Variants in RTL10 observed in about 807,000 individuals in gnomAD.
The protein encoded by RTL10 is retrotransposon Gag like 10.
For synonymous variants in RTL10, 199 were observed against 188.4 expected (o/e 1.06, Z -0.46); for missense variants, 477 against 470.7 (o/e 1.01, Z -0.12).
Position 19,849,922 on chromosome 22 carries a change from T to G in RTL10, c.*1245A>C. On this transcript the variant is annotated 3_prime_UTR_variant, in exon 3 of 3. Transcript: ENST00000328554. ...GCTCCAGGAGCTTCCAAGCTCAGCT[T>G]CCACTAGAAAACCCCTCCTTGTGTG... The G allele has an allele frequency of 4.1e-6, 4 of 985,538 alleles. No homozygotes were observed. Among genetic ancestry groups the G allele is most frequent in the South Asian group, 4.7e-5 (1 of 21,284 alleles). The allele number at this position is 985,538 out of a possible 1,614,324, so 61.0% of individuals were successfully genotyped here.
rs1366876583 is a variant in RTL10, at chr22:19,851,808, C to A, written c.454G>T (p.Ala152Ser). 1 of 1,613,910 alleles carries A rather than the reference C, an allele frequency of 6.2e-7. No individual in the cohort carries two copies. Among genetic ancestry groups the A allele is most frequent in the African/African-American group, 1.3e-5 (1 of 74,924 alleles). The change falls in exon 3 of 3, where the codon GCC becomes TCC. Residue 152 changes from alanine to serine, a missense_variant. Transcript: ENST00000328554. ...CCATCAAGGTAGGGGGCTGCCCAGG[C>A]CTGGGCTCGGCCTGTTAGGCGCCTG... Reference protein sequence around the residue: ...ILRRLTGRAQAWAAPYLDGDL... With the variant: ...ILRRLTGRAQSWAAPYLDGDL...
In RTL10 at chr22:19,851,206, C is replaced by CA. The variant is rs1569057957; in HGVS notation, c.1055_1056insT (p.Glu353GlyfsTer119). On this transcript the variant is annotated frameshift_variant, in exon 3 of 3. Transcript: ENST00000328554. LOFTEE classifies it low-confidence loss of function (END_TRUNC). ...AAAGTGGTGGCTCTCCTGGGGTCTC[C>CA]GGGGCCTCCACCACCTCCTGTGGGG... 6.3e-7 allele frequency: 1 copy of CA among 1,593,590 alleles called. No homozygotes were observed. The highest frequency in any genetic ancestry group is 8.6e-7 in the Non-Finnish European group (1 of 1,169,390).
intron 2 of RTL10, among the ~76,000 whole-genome samples, chr22:19,852,758 A>G (rs558242092): frequency 2.0e-5 from 3 of 152,150 alleles, no homozygotes; most frequent in Admixed American, 1.3e-4. Flanking sequence ...CAATAGTAGT[A>G]ACCTTTCACT....
intron 2 of RTL10, among the ~76,000 whole-genome samples, chr22:19,852,920 T>A (rs1275063411): frequency 3.3e-5 from 5 of 152,140 alleles, no homozygotes. Context: ...GAGGCTTAAC[T>A]ACTATACAGC....
chr22:19,850,007 G>A lies in RTL10; in HGVS notation c.*1160C>T. 1.0e-6 allele frequency: 1 copy of A among 985,618 alleles called. No individual in the cohort carries two copies. Among genetic ancestry groups the A allele is most frequent in the Non-Finnish European group, 1.2e-6 (1 of 830,148 alleles). 61.1% of individuals were successfully genotyped at this position (985,618 alleles called of 1,614,324 possible). A position where few individuals can be genotyped will look rare whatever the true frequency, so the allele number is the denominator to read the frequency against. ...TGGGGCCTCACAGCTCTGGACTGCT[G>A]CCTGGTCCTCACTTCACCTACAGCT... is the stretch of plus-strand genomic sequence containing the variant. On this transcript the variant is annotated 3_prime_UTR_variant, in exon 3 of 3. Coordinates refer to ENST00000328554, the MANE Select transcript of RTL10 (RefSeq NM_024627.6).
Position 19,848,878 on chromosome 22 carries a change from A to T in RTL10, c.*2289T>A, listed in dbSNP as rs1938027572. 1 of 985,364 alleles carries T rather than the reference A, an allele frequency of 1.0e-6. No homozygotes were observed. The highest frequency in any genetic ancestry group is 6.1e-5 in the Admixed American group (1 of 16,266). 61.0% of individuals were successfully genotyped at this position (985,364 alleles called of 1,614,324 possible). A position where few individuals can be genotyped will look rare whatever the true frequency, so the allele number is the denominator to read the frequency against. The stretch of plus-strand genomic sequence containing the variant: ...AGATGGGGAAGGTGGCCTGTCCAGA[A>T]GCCTGTGGGACAGGGTAAAGGTCAG... On this transcript the variant is annotated 3_prime_UTR_variant, in exon 3 of 3. Transcript: ENST00000328554.
rs772013591 is a variant in RTL10 at position 19,851,947 on chromosome 22, G to T, written c.315C>A (p.Gly105=). ...GTAGCCACGGGGAGCCATCAAAGGT[G>T]CCTGGGTCTGAGCCTGGTACCCAGC... The part of the protein sequence containing the change: ...DFCWVPGSDP[G]TFDGSPWLLD... The change falls in exon 3 of 3, where the codon GGC becomes GGA. Residue 105 remains glycine, a synonymous_variant. Coordinates refer to ENST00000328554, the MANE Select transcript of RTL10 (RefSeq NM_024627.6). The T allele has an allele frequency of 1.7e-5, 27 of 1,614,008 alleles. No homozygotes were observed. In the East Asian group the frequency reaches 3.8e-4, roughly 23 times the overall value.
At position 19,849,919 on chromosome 22, in the gene RTL10, G is replaced by C. The variant is rs1451715759; in HGVS notation, c.*1248C>G. On this transcript the variant is annotated 3_prime_UTR_variant, in exon 3 of 3. Coordinates refer to ENST00000328554, the MANE Select transcript of RTL10 (RefSeq NM_024627.6). ...TTGGCTCCAGGAGCTTCCAAGCTCA[G>C]CTTCCACTAGAAAACCCCTCCTTGT... The C allele has an allele frequency of 1.0e-6, 1 of 985,404 alleles. No homozygotes were observed. Among genetic ancestry groups the C allele is most frequent in the Non-Finnish European group, 1.2e-6 (1 of 830,032 alleles). The allele number at this position is 985,404 out of a possible 1,614,324, so 61.0% of individuals were successfully genotyped here. A position where few individuals can be genotyped will look rare whatever the true frequency, so the allele number is the denominator to read the frequency against.
chr22:19,853,977 C>G (rs889923753), intron 2 of RTL10, among the ~76,000 whole-genome samples: 1 of 152,174 alleles, frequency 6.6e-6, no homozygotes, highest in Non-Finnish European at 1.5e-5. Flanking sequence ...TCCCAGTCCC[C>G]TACCCTGCCC....
chr22:19,848,308 C>G lies in RTL10; in HGVS notation c.*2859G>C. The G allele has an allele frequency of 1.0e-6, 1 of 985,448 alleles. No homozygotes were observed. The highest frequency in any genetic ancestry group is 1.2e-6 in the Non-Finnish European group (1 of 829,952). 61.0% of individuals were successfully genotyped at this position (985,448 alleles called of 1,614,324 possible). On this transcript the variant is annotated 3_prime_UTR_variant, in exon 3 of 3. Transcript: ENST00000328554. ...CCCGTCCCTGAGCATGTCCAGCAAA[C>G]CCTGCCAGGCTCTGCAGCTCCTGAG... is the stretch of plus-strand genomic sequence containing the variant.
Position 19,846,787 on chromosome 22 carries a change from C to T in RTL10, c.*4380G>A, listed in dbSNP as rs576724385. ...AGATGGCTATCTGCAGGCCAAGGAG[C>T]GAGGCCTCAGGAGAAACCAACCCTG... On this transcript the variant is annotated 3_prime_UTR_variant, in exon 3 of 3. Coordinates refer to ENST00000328554, the MANE Select transcript of RTL10 (RefSeq NM_024627.6). 42 of 448,908 alleles carry T rather than the reference C, an allele frequency of 9.4e-5. No individual in the cohort carries two copies. Among genetic ancestry groups the T allele is most frequent in the Middle Eastern group, 1.2e-3 (1 of 864 alleles). 27.8% of individuals were successfully genotyped at this position (448,908 alleles called of 1,614,324 possible).
rs1341843416 is a variant in RTL10 at position 19,849,314 on chromosome 22, T to A, written c.*1853A>T. The A allele has an allele frequency of 1.0e-6, 1 of 978,172 alleles. No individual in the cohort carries two copies. Among genetic ancestry groups the A allele is most frequent in the East Asian group, 1.1e-4 (1 of 8,794 alleles). 60.6% of individuals were successfully genotyped at this position (978,172 alleles called of 1,614,324 possible). ...ACCCAGAGCCTTTTCTAGTGATAGT[T>A]ACCATAAAATAATCCCAACAATTTA... is the stretch of plus-strand genomic sequence containing the variant. On this transcript the variant is annotated 3_prime_UTR_variant, in exon 3 of 3. Coordinates refer to ENST00000328554, the MANE Select transcript of RTL10 (RefSeq NM_024627.6).
At chr22:19,852,799 G>A (rs1041004266) in intron 2 of RTL10, among the ~76,000 whole-genome samples, 1 of 152,154 alleles carries the variant, frequency 6.6e-6, no homozygotes, top group Admixed American at 6.5e-5. Context: ...CTCCCCCACA[G>A]GAGGTTGGTA....
At chr22:19,853,493 A>C (rs750789729) in intron 2 of RTL10, among the ~76,000 whole-genome samples, 12 of 152,098 alleles carry the variant, frequency 7.9e-5, no homozygotes, top group Non-Finnish European at 1.8e-4. Context: ...CACGACCTCC[A>C]GGAAACTCTC....
chr22:19,846,565 G>T lies in RTL10; in HGVS notation c.*4602C>A, dbSNP rs540530746. 5.1e-6 allele frequency: 5 copies of T among 985,308 alleles called. No individual in the cohort carries two copies. The highest frequency in any genetic ancestry group is 4.8e-6 in the Non-Finnish European group (4 of 829,910). The allele number at this position is 985,308 out of a possible 1,614,324, so 61.0% of individuals were successfully genotyped here. A position where few individuals can be genotyped will look rare whatever the true frequency, so the allele number is the denominator to read the frequency against. ...AGACAAAACCAGAGAAGCCTATCGCGGGCACCGCTGTGGGCAGAACTATGT... is the reference window on the plus strand; with the variant it reads ...AGACAAAACCAGAGAAGCCTATCGCTGGCACCGCTGTGGGCAGAACTATGT... On this transcript the variant is annotated 3_prime_UTR_variant, in exon 3 of 3. Coordinates refer to ENST00000328554, the MANE Select transcript of RTL10 (RefSeq NM_024627.6).
rs1787958826 is a variant in RTL10 at position 19,852,336 on chromosome 22, C to T, written c.-75G>A. The stretch of plus-strand genomic sequence containing the variant: ...GGGGTGTGGACAGATGTGGCTTGCA[C>T]GACACAACAGGACAGGGATGGCTGA... On this transcript the variant is annotated 5_prime_UTR_variant, in exon 3 of 3. It adds an upstream start codon to the 5' untranslated region. Transcript: ENST00000328554. 7 of 1,483,916 alleles carry T rather than the reference C, an allele frequency of 4.7e-6. No homozygotes were observed. In the Middle Eastern group the frequency reaches 6.0e-4, roughly 128 times the overall value. The allele number at this position is 1,483,916 out of a possible 1,614,324, so 91.9% of individuals were successfully genotyped here.
Position 19,847,803 on chromosome 22 carries a change from G to GAAAAAAAAAAAAAAA in RTL10, c.*3363_*3364insTTTTTTTTTTTTTTT, listed in dbSNP as rs1468350618. On this transcript the variant is annotated 3_prime_UTR_variant, in exon 3 of 3. Transcript: ENST00000328554. ...AACTTTTAAAATCCTGGAATCATAG[G>GAAAAAAAAAAAAAAA]CAAAAAAAAAAAAAAAAAAAAATTC... 127 of 440,326 alleles carry GAAAAAAAAAAAAAAA rather than the reference G, an allele frequency of 2.9e-4. 6 individuals carry two copies. The East Asian group carries it at 5.6e-3, about 19-fold the overall frequency. The allele number at this position is 440,326 out of a possible 1,614,324, so 27.3% of individuals were successfully genotyped here. A position where few individuals can be genotyped will look rare whatever the true frequency, so the allele number is the denominator to read the frequency against.
Position 19,851,647 on chromosome 22 carries a change from C to T in RTL10, c.615G>A (p.Val205=). Residue 205 remains valine (V), a synonymous_variant, in exon 3 of 3, where the codon GTG becomes GTA. Transcript: ENST00000328554. ...GCCTCACCACAGGCAGCTGAGGGGC[C>T]ACTGGCAGCTGGCTGGAGGCCAGGG... is the stretch of plus-strand genomic sequence containing the variant. ...PLPLASSQLP[V]APQLPVVRQY... 11 of 1,594,038 alleles carry T rather than the reference C, an allele frequency of 6.9e-6. No individual in the cohort carries two copies. The Middle Eastern group carries it at 5.1e-4, about 73-fold the overall frequency.
At position 19,851,085 on chromosome 22, in the gene RTL10, C is replaced by T. The variant is rs1166473351; in HGVS notation, c.*82G>A. ...GAAGTCATCTGGGGACACCACTCTG[C>T]TCTGACTGGGGACTATGGGGCGCTC... On this transcript the variant is annotated 3_prime_UTR_variant, in exon 3 of 3. Coordinates refer to ENST00000328554, the MANE Select transcript of RTL10 (RefSeq NM_024627.6). 2.7e-6 allele frequency: 4 copies of T among 1,483,646 alleles called. No individual in the cohort carries two copies. The African/African-American group carries it at 5.6e-5, about 21-fold the overall frequency. 91.9% of individuals were successfully genotyped at this position (1,483,646 alleles called of 1,614,324 possible).
Sources: gnomAD v4.1 joint callset for allele counts (sites outside exome capture counted in the v4.1 genomes callset) on GRCh38, gnomAD v4.1.1 for gene constraint, MANE v1.5 for transcripts, NCBI Gene and HGNC (gene_info 2026-07-23, HGNC 2026-07-21) for gene names.